ANOS1: variants seen among roughly 807,000 people sequenced by gnomAD.
ANOS1 encodes the protein anosmin 1, also known as anosmin-1.
In ANOS1, 6 loss-of-function variants were observed where a neutral mutation model predicts 59.0. That is an observed-to-expected ratio of 0.10 (90% CI 0.06 to 0.20). The LOEUF (loss-of-function observed/expected upper bound fraction) is 0.20. Ranked by LOEUF, ANOS1 falls within the 10% of genes least tolerant of loss-of-function variation. The pLI is 1.00. For missense variants in ANOS1, 433 were observed against 542.3 expected (o/e 0.80, Z 2.00); for synonymous variants, 217 against 223.4 (o/e 0.97, Z 0.25).
chrX:8,549,696 C>T (rs918149947), intron 9 of ANOS1, among the ~76,000 whole-genome samples: 7 of 112,037 alleles, frequency 6.2e-5, no homozygotes, highest in Non-Finnish European at 1.1e-4. Context: ...TGCCAGGCAC[C>T]GGTCCAACCA....
intron 2 of ANOS1, among the ~76,000 whole-genome samples, chrX:8,657,063 G>A (rs1202491066): frequency 8.9e-6 from 1 of 112,467 alleles, no homozygotes; most frequent in African/African-American, 3.2e-5. Flanking sequence ...CCAGAGAAGT[G>A]GGAAGGGGGC....
At chrX:8,652,343 A>C (rs1403532498) in intron 2 of ANOS1, among the ~76,000 whole-genome samples, 1 of 111,675 alleles carries the variant, frequency 9.0e-6, no homozygotes, top group Non-Finnish European at 1.9e-5. Context: ...ATAGCAAAAT[A>C]ACCTAAAATG....
In ANOS1 at chrX:8,575,075, C is replaced by T. The variant is rs73472356; in HGVS notation, c.857-4371G>A. ...AATAAATGAAGGACAGGCTTCTAAA[C>T]GTTAGCTTTGATTTGTAATGTGATA... On this transcript the variant is annotated intron_variant, in intron 6 of 13. Coordinates refer to ENST00000262648, the MANE Select transcript of ANOS1 (RefSeq NM_000216.4). Among the ~76,000 whole-genome samples the T allele has an allele frequency of 2.4e-3, 272 of 112,214 alleles. 1 individual carries two copies. Among genetic ancestry groups the T allele is most frequent in the African/African-American group, 8.2e-3 (253 of 30,920 alleles).
intron 2 of ANOS1, among the ~76,000 whole-genome samples, chrX:8,667,241 C>T (rs753725585): frequency 5.4e-5 from 6 of 110,483 alleles, no homozygotes; most frequent in Admixed American, 9.7e-5. Context: ...CAAGCCTTCC[C>T]GTACTGGACA....
chrX:8,558,867 C>T (rs1396994415), intron 8 of ANOS1, among the ~76,000 whole-genome samples: 1 of 112,038 alleles, frequency 8.9e-6, no homozygotes, highest in Non-Finnish European at 1.9e-5. Context: ...TTCTGACAGA[C>T]ATTGAAATGA....
chrX:8,670,534 T>C (rs1342567684), intron 2 of ANOS1, among the ~76,000 whole-genome samples: 1 of 110,580 alleles, frequency 9.0e-6, no homozygotes, highest in East Asian at 2.9e-4. Flanking sequence ...TTAATTACCA[T>C]TGAGGGAAGC....
intron 8 of ANOS1, among the ~76,000 whole-genome samples, chrX:8,567,737 T>C (rs1049781230): frequency 9.0e-6 from 1 of 111,344 alleles, no homozygotes; most frequent in Non-Finnish European, 1.9e-5. Context: ...AAGGTTGCAG[T>C]GAGCTGAGAT....
At chrX:8,652,281 TC>T (rs1460599180) in intron 2 of ANOS1, among the ~76,000 whole-genome samples, 1 of 111,775 alleles carries the variant, frequency 8.9e-6, no homozygotes, top group Non-Finnish European at 1.9e-5. Flanking sequence ...ACATTTAGTT[TC>T]TGATTTTTGT....
chrX:8,560,287 C>T (rs1026860426), intron 8 of ANOS1, among the ~76,000 whole-genome samples: 4 of 111,322 alleles, frequency 3.6e-5, no homozygotes, highest in African/African-American at 1.3e-4. Context: ...CAGGTGTGTT[C>T]CTGGGGGGCT....
intron 2 of ANOS1, among the ~76,000 whole-genome samples, chrX:8,669,186 T>A: frequency 9.0e-6 from 1 of 111,575 alleles, no homozygotes; most frequent in Middle Eastern, 4.6e-3. Context: ...AGGGAAAATA[T>A]CGTCTCTTAT....
At chrX:8,684,840 G>T (rs1382315261) in intron 2 of ANOS1, among the ~76,000 whole-genome samples, 1 of 110,731 alleles carries the variant, frequency 9.0e-6, no homozygotes, top group Non-Finnish European at 1.9e-5. Flanking sequence ...GCCATCAAAA[G>T]ACCCACCTTC....
At chrX:8,554,542 GTTTTTTTTTT>G (rs757605733) in intron 8 of ANOS1, among the ~76,000 whole-genome samples, 11 of 50,836 alleles carry the variant, frequency 2.2e-4, no homozygotes, top group African/African-American at 4.1e-4. Flanking sequence ...GGCTACAGGA[GTTTTTTTTTT>G]TTTTTTTTTT....
intron 2 of ANOS1, among the ~76,000 whole-genome samples, chrX:8,654,663 G>A (rs139444114): frequency 1.4e-3 from 159 of 111,632 alleles, no homozygotes; most frequent in African/African-American, 5.0e-3. Context: ...CCATGACTAC[G>A]GCTCTCAGTA....
chrX:8,654,915 C>T (rs887978710), intron 2 of ANOS1, among the ~76,000 whole-genome samples: 1 of 112,198 alleles, frequency 8.9e-6, no homozygotes, highest in Admixed American at 9.4e-5. Context: ...TGTCCAAACA[C>T]GAAGTTTCAA....
At chrX:8,699,848 C>T in intron 1 of ANOS1, 103 bp from the exon 2 acceptor site, 1 of 587,094 alleles carries the variant, frequency 1.7e-6, no homozygotes, top group Admixed American at 3.0e-5. Flanking sequence ...TGAATATTTG[C>T]ATTTTAACAA....
At position 8,619,070 on chromosome X, in the gene ANOS1, C is replaced by CAAAAAAAA. The variant is rs1164164251; in HGVS notation, c.318+4530_318+4537dup. On this transcript the variant is annotated intron_variant, in intron 3 of 13. Coordinates refer to ENST00000262648, the MANE Select transcript of ANOS1 (RefSeq NM_000216.4). ...CCTGGGCGACAGAGCAAACCTCTCT[C>CAAAAAAAA]AAAAAAAAAAAAAAAAAAAAAAAAA... Among the ~76,000 whole-genome samples, 126 of 43,957 alleles carry CAAAAAAAA rather than the reference C, an allele frequency of 2.9e-3. 1 individual carries two copies. Among genetic ancestry groups the CAAAAAAAA allele is most frequent in the East Asian group, 7.8e-3 (6 of 765 alleles). The allele number at this position is 43,957 out of a possible 115,157, so 38.2% of individuals were successfully genotyped here.
intron 1 of ANOS1, among the ~76,000 whole-genome samples, chrX:8,725,156 T>C (rs1932901545): frequency 9.0e-6 from 1 of 111,693 alleles, no homozygotes; most frequent in East Asian, 2.8e-4. Context: ...CTTTTGATAA[T>C]ATGGATATGC....
chrX:8,561,393 G>A (rs1274712944), intron 8 of ANOS1, among the ~76,000 whole-genome samples: 2 of 108,675 alleles, frequency 1.8e-5, no homozygotes, highest in African/African-American at 6.7e-5. Flanking sequence ...TCTGCCTCCC[G>A]AGTTCATGCC....
intron 3 of ANOS1, among the ~76,000 whole-genome samples, chrX:8,620,920 C>T (rs928456432): frequency 1.8e-5 from 2 of 112,066 alleles, no homozygotes; most frequent in Non-Finnish European, 3.8e-5. Flanking sequence ...ATTACAGAAA[C>T]CTGCTCTTGA....
Sources: gnomAD v4.1 joint callset for allele counts (sites outside exome capture counted in the v4.1 genomes callset) on GRCh38, gnomAD v4.1.1 for gene constraint, MANE v1.5 for transcripts, NCBI Gene and HGNC (gene_info 2026-07-23, HGNC 2026-07-21) for gene names.